Variants in STARD13 observed in about 807,000 individuals in gnomAD.
STARD13 encodes StAR related lipid transfer domain containing 13.
A neutral mutation model predicts 106.4 loss-of-function variants in STARD13; 62 were observed. That is an observed-to-expected ratio of 0.58 (90% CI 0.48 to 0.72). The LOEUF (loss-of-function observed/expected upper bound fraction) is 0.72. STARD13 is among the 30% of genes least tolerant of loss of function. The pLI, the probability that STARD13 is intolerant of heterozygous loss-of-function variation, is 0.00. For synonymous variants in STARD13, 565 were observed against 553.0 expected (o/e 1.02, Z -0.31); for missense variants, 1,387 against 1,424.0 (o/e 0.97, Z 0.42).
intron 1 of STARD13, among the ~76,000 whole-genome samples, chr13:33,273,499 A>G (rs893509452): frequency 6.6e-6 from 1 of 152,246 alleles, no homozygotes; most frequent in Non-Finnish European, 1.5e-5. Context: ...TAAAATCAAT[A>G]ACGCAAAAGA....
At chr13:33,320,795 A>AC (rs1272095750) in intron 1 of STARD13, among the ~76,000 whole-genome samples, 1 of 152,094 alleles carries the variant, frequency 6.6e-6, no homozygotes, top group South Asian at 2.1e-4. Context: ...ACACAGGGAG[A>AC]CCCCATCTCT....
chr13:33,530,037 A>G, the STARD13 span, among the ~76,000 whole-genome samples: 1 of 152,172 alleles, frequency 6.6e-6, no homozygotes, highest in Non-Finnish European at 1.5e-5. Flanking sequence ...CATAAATATC[A>G]AAGAGTTAAA....
the STARD13 span, among the ~76,000 whole-genome samples, chr13:33,559,404 A>G: frequency 6.6e-6 from 1 of 151,622 alleles, no homozygotes; most frequent in Non-Finnish European, 1.5e-5. Context: ...TTCAAACTTT[A>G]TATAGTTGGT....
At chr13:33,545,358 G>A in the STARD13 span, among the ~76,000 whole-genome samples, 2 of 152,056 alleles carry the variant, frequency 1.3e-5, no homozygotes, top group African/African-American at 2.4e-5. Context: ...GCTTCCCAAA[G>A]TGCTGGGATT....
intron 8 of STARD13, chr13:33,117,767 C>G: frequency 2.1e-6 from 2 of 955,950 alleles, no homozygotes; most frequent in Non-Finnish European, 2.5e-6. Flanking sequence ...TATTGTGTCC[C>G]TTTTTCATTT....
intron 1 of STARD13, chr13:33,274,105 G>A (rs1234279907): frequency 9.4e-6 from 1 of 106,046 alleles, no homozygotes; most frequent in Non-Finnish European, 2.0e-5. Context: ...TTTTTTTTTT[G>A]ATGTAACAAA....
At chr13:33,386,369 G>C in the STARD13 span, among the ~76,000 whole-genome samples, 3 of 152,136 alleles carry the variant, frequency 2.0e-5, no homozygotes, top group African/African-American at 7.2e-5. Context: ...AGGGGCTCCA[G>C]GAAGAGAAAA....
At chr13:33,648,148 A>G in the STARD13 span, among the ~76,000 whole-genome samples, 56 of 152,340 alleles carry the variant, frequency 3.7e-4, 2 homozygotes, top group Non-Finnish European at 1.3e-4. Context: ...ATAAACACTA[A>G]AAAGGCATAT....
chr13:33,605,538 T>A, the STARD13 span, among the ~76,000 whole-genome samples: 1 of 152,000 alleles, frequency 6.6e-6, no homozygotes, highest in African/African-American at 2.4e-5. Flanking sequence ...AACAAAAAAA[T>A]GCTTTAACAG....
chr13:33,243,710 C>T (rs1889673470), intron 1 of STARD13, among the ~76,000 whole-genome samples: 1 of 152,082 alleles, frequency 6.6e-6, no homozygotes, highest in African/African-American at 2.4e-5. Context: ...TCCCCGGGCC[C>T]TTACTGTTTC....
the STARD13 span, among the ~76,000 whole-genome samples, chr13:33,642,784 G>T: frequency 1.3e-4 from 19 of 151,660 alleles, no homozygotes; most frequent in Non-Finnish European, 2.8e-4. Context: ...ATGACAGTGG[G>T]GGCTGTGAGA....
the STARD13 span, among the ~76,000 whole-genome samples, chr13:33,405,911 T>C: frequency 1.3e-5 from 2 of 152,210 alleles, no homozygotes; most frequent in Non-Finnish European, 2.9e-5. Flanking sequence ...AGCTAACATG[T>C]AGAGAGCACT....
chr13:33,156,782 G>A (rs537699855), intron 3 of STARD13, among the ~76,000 whole-genome samples: 1 of 152,148 alleles, frequency 6.6e-6, no homozygotes, highest in Non-Finnish European at 1.5e-5. Flanking sequence ...TAAATGCAGT[G>A]CCTGGTATAT....
chr13:33,491,728 T>G, the STARD13 span, among the ~76,000 whole-genome samples: 1 of 152,208 alleles, frequency 6.6e-6, no homozygotes, highest in African/African-American at 2.4e-5. Context: ...TGTTTCTCCA[T>G]TAAACCTCAC....
At chr13:33,490,414 C>G in the STARD13 span, among the ~76,000 whole-genome samples, 15 of 152,102 alleles carry the variant, frequency 9.9e-5, no homozygotes, top group African/African-American at 3.4e-4. Context: ...CCACATAAAC[C>G]CCAAATCCCA....
chr13:33,218,747 C>T (rs1888180557), intron 1 of STARD13, among the ~76,000 whole-genome samples: 2 of 152,278 alleles, frequency 1.3e-5, no homozygotes, highest in Middle Eastern at 3.4e-3. Context: ...ATTATTGTAA[C>T]ATATCTTTCA....
At chr13:33,465,639 C>A in the STARD13 span, among the ~76,000 whole-genome samples, 1 of 152,182 alleles carries the variant, frequency 6.6e-6, no homozygotes, top group South Asian at 2.1e-4. Flanking sequence ...CCTCTGTGAT[C>A]CGAACTCATA....
chr13:33,525,793 G>A, the STARD13 span, among the ~76,000 whole-genome samples: 1 of 152,134 alleles, frequency 6.6e-6, no homozygotes, highest in Non-Finnish European at 1.5e-5. Context: ...GATTATCAGA[G>A]GTTGTTTTTG....
chr13:33,127,837 CA>C (rs11311813), intron 5 of STARD13, among the ~76,000 whole-genome samples: 82,944 of 151,024 alleles, frequency 0.55, 23,702 homozygotes, highest in Non-Finnish European at 0.63. Flanking sequence ...GTGTTGAGAG[CA>C]AGCTGAGACA....
Sources: gnomAD v4.1 joint callset for allele counts (sites outside exome capture counted in the v4.1 genomes callset) on GRCh38, gnomAD v4.1.1 for gene constraint, MANE v1.5 for transcripts, NCBI Gene and HGNC (gene_info 2026-07-23, HGNC 2026-07-21) for gene names.